Variants in TOX2 observed in about 807,000 individuals in gnomAD.
The protein encoded by TOX2 is TOX high mobility group box family member 2.
TOX2 carries 15 observed loss-of-function variants against 47.4 expected under a neutral mutation model. The observed-to-expected ratio is 0.32, with a 90% CI of 0.21 to 0.49. The LOEUF (loss-of-function observed/expected upper bound fraction) is 0.49, where lower values mean the gene tolerates loss of function less well. TOX2 is among the 20% of genes least tolerant of loss of function. The pLI, the probability that TOX2 is intolerant of heterozygous loss-of-function variation, is 0.99. For synonymous variants in TOX2, 290 were observed against 296.6 expected (o/e 0.98, Z 0.23); for missense variants, 622 against 673.1 (o/e 0.92, Z 0.84).
chr20:43,950,287 G>C (rs1265247139), intron 1 of TOX2, among the ~76,000 whole-genome samples: 1 of 152,188 alleles, frequency 6.6e-6, no homozygotes. Flanking sequence ...GCGGATGTCA[G>C]CGGCTCTGAG....
intron 5 of TOX2, among the ~76,000 whole-genome samples, chr20:44,058,815 C>T (rs924185259): frequency 2.0e-5 from 3 of 152,350 alleles, no homozygotes; most frequent in African/African-American, 4.8e-5. Flanking sequence ...TGCAGCAGGG[C>T]TCTCAGGAAA....
chr20:43,969,003 T>C (rs959907244), intron 1 of TOX2, among the ~76,000 whole-genome samples: 10 of 152,238 alleles, frequency 6.6e-5, no homozygotes, highest in Non-Finnish European at 1.5e-4. Flanking sequence ...GCACATTCAG[T>C]ATATGTTTGT....
chr20:44,008,715 T>G (rs916457644), intron 3 of TOX2, among the ~76,000 whole-genome samples: 1 of 152,220 alleles, frequency 6.6e-6, no homozygotes, highest in Non-Finnish European at 1.5e-5. Flanking sequence ...TTTTTGCTTT[T>G]TTTCCCTTCA....
At position 44,068,699 on chromosome 20, in the gene TOX2, A is replaced by G. The variant is rs1246505352; in HGVS notation, c.*13A>G. 1.4e-5 allele frequency: 23 copies of G among 1,613,784 alleles called. No individual in the cohort carries two copies. Among genetic ancestry groups the G allele is most frequent in the Non-Finnish European group, 1.7e-5 (20 of 1,179,952 alleles). On this transcript the variant is annotated 3_prime_UTR_variant, in exon 9 of 9. Transcript: ENST00000341197. ...CTACCTCACCTAATCCCGCCTCCCTACCATCCCTGAGGCTCGCTGGAAGGC... is the reference window on the plus strand; with the variant it reads ...CTACCTCACCTAATCCCGCCTCCCTGCCATCCCTGAGGCTCGCTGGAAGGC...
intron 3 of TOX2, among the ~76,000 whole-genome samples, chr20:44,011,733 C>T (rs904773745): frequency 2.0e-5 from 3 of 152,252 alleles, no homozygotes; most frequent in Non-Finnish European, 2.9e-5. Context: ...CTGAGGATGT[C>T]ATCCCTGGAG....
At chr20:44,026,611 G>A (rs947703547) in intron 3 of TOX2, among the ~76,000 whole-genome samples, 23 of 151,974 alleles carry the variant, frequency 1.5e-4, no homozygotes, top group East Asian at 3.9e-4. Flanking sequence ...AAAATAAACC[G>A]TAATAAACCT....
rs199950763 is a variant in TOX2 at position 44,006,524 on chromosome 20, G to A, written c.166-23G>A. The A allele has an allele frequency of 2.9e-5, 47 of 1,595,154 alleles. No individual in the cohort carries two copies. In the South Asian group the frequency reaches 3.6e-4, roughly 12 times the overall value. On this transcript the variant is annotated intron_variant, in intron 2 of 8. Transcript: ENST00000341197. ...CGGTTGTAAGGCACTGACCCCCACC[G>A]ACATGTCTTTTTGATGTTTTAGACC...
intron 3 of TOX2, among the ~76,000 whole-genome samples, chr20:44,027,825 C>A (rs1434230007): frequency 4.6e-5 from 7 of 152,140 alleles, no homozygotes; most frequent in African/African-American, 1.7e-4. Context: ...AAAGCAGGGG[C>A]CCGACCATGG....
chr20:44,067,874 C>T (rs541524027), intron 8 of TOX2, among the ~76,000 whole-genome samples: 3 of 152,300 alleles, frequency 2.0e-5, no homozygotes, highest in South Asian at 4.1e-4. Flanking sequence ...AGCAGCTGTC[C>T]CAGCGATAGC....
intron 5 of TOX2, among the ~76,000 whole-genome samples, chr20:44,057,161 T>A (rs2071634359): frequency 6.6e-6 from 1 of 152,218 alleles, no homozygotes; most frequent in East Asian, 1.9e-4. Context: ...CCTCAAATGA[T>A]CATCCCACCT....
intron 3 of TOX2, among the ~76,000 whole-genome samples, chr20:44,019,799 G>A (rs1257602161): frequency 6.6e-6 from 1 of 152,190 alleles, no homozygotes; most frequent in Non-Finnish European, 1.5e-5. Flanking sequence ...CCACCACTAA[G>A]AGATTGTGGG....
intron 3 of TOX2, among the ~76,000 whole-genome samples, chr20:44,038,724 G>A (rs2071280008): frequency 6.6e-6 from 1 of 152,146 alleles, no homozygotes; most frequent in South Asian, 2.1e-4. Context: ...AGGACGCAGG[G>A]TGGCTGCCAG....
At chr20:43,979,877 C>T (rs939624909) in intron 2 of TOX2, among the ~76,000 whole-genome samples, 8 of 152,142 alleles carry the variant, frequency 5.3e-5, no homozygotes, top group South Asian at 2.1e-4. Context: ...CAGGCAATAA[C>T]GAATGCTGGT....
intron 3 of TOX2, among the ~76,000 whole-genome samples, chr20:44,048,418 AATT>A (rs2071453617): frequency 3.0e-5 from 4 of 134,380 alleles, no homozygotes; most frequent in South Asian, 2.3e-4. Context: ...ATATATGTAT[AATT>A]TACCAAAACT....
chr20:44,015,787 C>T (rs1023566777), intron 3 of TOX2, among the ~76,000 whole-genome samples: 1 of 152,198 alleles, frequency 6.6e-6, no homozygotes, highest in East Asian at 1.9e-4. Flanking sequence ...ACTTTTCTTT[C>T]GTAAACCCCC....
chr20:44,068,651 CT>C lies in TOX2; in HGVS notation c.1487del (p.Leu496ArgfsTer95). 6.2e-7 allele frequency: 1 copy of C among 1,612,396 alleles called. No homozygotes were observed. The highest frequency in any genetic ancestry group is 2.2e-5 in the East Asian group (1 of 44,820). On this transcript the variant is annotated frameshift_variant and splice_region_variant, in exon 9 of 9. Coordinates refer to ENST00000341197, the MANE Select transcript of TOX2 (RefSeq NM_001098797.2). LOFTEE classifies it high-confidence loss of function. ...GACAGCCCCTCCTCTCTCTCACAGCCTGCTCCCCAGGGACAAATCGCTCTAC... is the reference window on the plus strand; with the variant it reads ...GACAGCCCCTCCTCTCTCTCACAGCCGCTCCCCAGGGACAAATCGCTCTAC... ...SGECGISTCSLLPRDKSLYLT is the reference protein window; with the variant it reads ...SGECGISTCSXLPRDKSLYLT
chr20:44,058,361 C>A (rs1321024573), intron 5 of TOX2, among the ~76,000 whole-genome samples: 1 of 152,180 alleles, frequency 6.6e-6, no homozygotes, highest in Non-Finnish European at 1.5e-5. Context: ...AGCCATAATC[C>A]CTCTGGGAAC....
chr20:44,009,715 A>C (rs924265928), intron 3 of TOX2, among the ~76,000 whole-genome samples: 1 of 152,212 alleles, frequency 6.6e-6, no homozygotes, highest in African/African-American at 2.4e-5. Context: ...GTACTTGCTT[A>C]CTGGGCTCAT....
At chr20:44,023,664 A>G (rs1370090824) in intron 3 of TOX2, among the ~76,000 whole-genome samples, 2 of 152,228 alleles carry the variant, frequency 1.3e-5, no homozygotes, top group Admixed American at 6.5e-5. Context: ...ACCACAGGCC[A>G]GCGTGGCCTG....
Sources: allele counts gnomAD v4.1 joint callset (sites outside exome capture counted in the v4.1 genomes callset), GRCh38; gene constraint gnomAD v4.1.1; transcripts MANE v1.5; gene names NCBI Gene and HGNC (gene_info 2026-07-23, HGNC 2026-07-21).